LOXL2: variants seen among roughly 807,000 people sequenced by gnomAD.
LOXL2 encodes lysyl oxidase like 2.
LOXL2 carries 70 observed loss-of-function variants against 93.0 expected under a neutral mutation model. The ratio of observed to expected loss-of-function variants is 0.75; its 90% CI spans 0.62 to 0.92. The LOEUF is 0.92. LOXL2 is among the 40% of genes least tolerant of loss of function. The probability of loss-of-function intolerance (pLI) is 0.00; values close to 1 mark genes in which losing one functional copy is unlikely to be tolerated. For synonymous variants in LOXL2, 438 were observed against 413.2 expected (o/e 1.06, Z -0.73); for missense variants, 973 against 1,054.9 (o/e 0.92, Z 1.08).
At chr8:23,357,190 C>T (rs1308759367) in intron 3 of LOXL2, among the ~76,000 whole-genome samples, 1 of 152,078 alleles carries the variant, frequency 6.6e-6, no homozygotes, top group Non-Finnish European at 1.5e-5. Flanking sequence ...CTGCCTCAGC[C>T]TCCTGAGTAG....
intron 6 of LOXL2, 27 bp downstream of exon 6, chr8:23,328,355 G>T (rs374276969): frequency 2.1e-5 from 33 of 1,609,012 alleles, no homozygotes; most frequent in African/African-American, 2.0e-4. Context: ...AGGAAGAGAG[G>T]CCCCCTCTAG....
intron 6 of LOXL2, 141 bp downstream of exon 6, chr8:23,328,241 C>A: frequency 1.2e-6 from 1 of 821,476 alleles, no homozygotes; most frequent in Admixed American, 2.1e-5. Flanking sequence ...TAGGGAGAGG[C>A]CTGGGATTCT....
rs544583776 is a variant in LOXL2, at chr8:23,332,659, A to AC, written c.966+741dup. Among the ~76,000 whole-genome samples, 80 of 30,858 alleles carry AC rather than the reference A, an allele frequency of 2.6e-3. 2 individuals carry two copies. In the East Asian group the frequency reaches 0.065, roughly 25 times the overall value. The allele number at this position is 30,858 out of a possible 152,430, so 20.2% of individuals were successfully genotyped here. ...CACACCCACACTCACACGCTCATAC[A>AC]CCCCCCCACACTCATACACACACTC... On this transcript the variant is annotated intron_variant, in intron 5 of 13. Transcript: ENST00000389131.
chr8:23,361,064 C>G lies in LOXL2; in HGVS notation c.356-799G>C, dbSNP rs1050994785. 2.0e-5 allele frequency among the ~76,000 whole-genome samples: 3 copies of G among 152,118 alleles called. No individual in the cohort carries two copies. In the East Asian group the frequency reaches 5.8e-4, roughly 29 times the overall value. The stretch of plus-strand genomic sequence containing the variant: ...GACAGGCGCATGCCACCACCCCTGG[C>G]TAATTTTTTGTATTTTAGTAGAGAT... On this transcript the variant is annotated intron_variant, in intron 2 of 13. Coordinates refer to ENST00000389131, the MANE Select transcript of LOXL2 (RefSeq NM_002318.3).
At chr8:23,396,002 A>C (rs937176071) in intron 1 of LOXL2, among the ~76,000 whole-genome samples, 4 of 152,112 alleles carry the variant, frequency 2.6e-5, no homozygotes, top group African/African-American at 9.7e-5. Context: ...ATAAACTCTT[A>C]GAGTCACTGA....
intron 1 of LOXL2, among the ~76,000 whole-genome samples, chr8:23,396,189 A>G (rs1800087253): frequency 6.6e-6 from 1 of 151,902 alleles, no homozygotes; most frequent in Non-Finnish European, 1.5e-5. Context: ...GTGGTGGCAC[A>G]TGCCTGTAAT....
intron 1 of LOXL2, among the ~76,000 whole-genome samples, chr8:23,382,072 A>G (rs986525522): frequency 6.6e-6 from 1 of 152,234 alleles, no homozygotes; most frequent in African/African-American, 2.4e-5. Flanking sequence ...TAAACAACTG[A>G]GAGCTCACAA....
intron 11 of LOXL2, among the ~76,000 whole-genome samples, chr8:23,302,404 C>A (rs921103886): frequency 2.0e-5 from 3 of 152,224 alleles, no homozygotes; most frequent in African/African-American, 4.8e-5. Context: ...TCCCTGACCA[C>A]TCTGATCCAC....
chr8:23,378,715 C>A (rs1804628975), intron 1 of LOXL2, among the ~76,000 whole-genome samples: 1 of 152,226 alleles, frequency 6.6e-6, no homozygotes, highest in Non-Finnish European at 1.5e-5. Flanking sequence ...GATACCCTTT[C>A]TTCTGGTTGA....
At chr8:23,338,269 G>T (rs1413403163) in intron 4 of LOXL2, among the ~76,000 whole-genome samples, 2 of 152,028 alleles carry the variant, frequency 1.3e-5, no homozygotes, top group Non-Finnish European at 2.9e-5. Context: ...TGAGATTTGG[G>T]TGGGGACACA....
At chr8:23,386,440 C>T (rs557243103) in intron 1 of LOXL2, among the ~76,000 whole-genome samples, 25 of 152,268 alleles carry the variant, frequency 1.6e-4, no homozygotes, top group Admixed American at 1.2e-3. Flanking sequence ...GTGTCTCTTA[C>T]GATGTCTTAG....
intron 1 of LOXL2, among the ~76,000 whole-genome samples, chr8:23,381,708 C>T (rs1035810429): frequency 1.3e-5 from 2 of 152,194 alleles, no homozygotes; most frequent in African/African-American, 4.8e-5. Flanking sequence ...ACATTGGTAT[C>T]CTTCCAACCT....
In LOXL2 at chr8:23,317,093, C is replaced by A. The variant is rs771328795; in HGVS notation, c.1492G>T (p.Asp498Tyr). The part of the protein sequence containing the change: ...AFQETWYWHG[D>Y]VNSNKVVMSG... The stretch of plus-strand genomic sequence containing the variant: ...ATGACCACTTTGTTGCTGTTGACAT[C>A]TCCGTGCCAATACCAGGTCTCCTGG... Residue 498 changes from aspartate (D) to tyrosine (Y), a missense_variant, in exon 9 of 14, where the codon GAT becomes TAT. Asp to Tyr is a radical substitution (Grantham distance 160, BLOSUM62 -3). Transcript: ENST00000389131. 36 of 1,614,090 alleles carry A rather than the reference C, an allele frequency of 2.2e-5. No homozygotes were observed. The Middle Eastern group carries it at 9.9e-4, about 44-fold the overall frequency.
intron 6 of LOXL2, among the ~76,000 whole-genome samples, 175 bp from the exon 7 acceptor site, chr8:23,322,456 T>C (rs1163080226): frequency 6.6e-6 from 1 of 152,198 alleles, no homozygotes; most frequent in Non-Finnish European, 1.5e-5. Flanking sequence ...ACAGTGCTAA[T>C]TCTCTTGGGA....
intron 10 of LOXL2, among the ~76,000 whole-genome samples, chr8:23,307,055 A>AT (rs1316003232): frequency 6.6e-6 from 1 of 152,138 alleles, no homozygotes; most frequent in African/African-American, 2.4e-5. Flanking sequence ...TGGAAATGGC[A>AT]TTTTTTCCCA....
intron 2 of LOXL2, among the ~76,000 whole-genome samples, chr8:23,361,462 C>A (rs1183770524): frequency 6.6e-6 from 1 of 152,152 alleles, no homozygotes; most frequent in African/African-American, 2.4e-5. Flanking sequence ...GCCTCACTTG[C>A]ACTAAGTAGA....
At position 23,302,136 on chromosome 8, in the gene LOXL2, T is replaced by A; in HGVS notation, c.2024A>T (p.Asn675Ile). Residue 675 changes from asparagine to isoleucine, a missense_variant, in exon 12 of 14, where the codon AAC becomes ATC. Physicochemically the swap from Asn to Ile is moderately radical, Grantham distance 149. Coordinates refer to ENST00000389131, the MANE Select transcript of LOXL2 (RefSeq NM_002318.3). ...GDIQKNYECA[N>I]FGDQGITMGC... is the part of the protein sequence containing the mutation. Reference sequence around the variant, plus strand: ...CATGGTGATGCCCTGATCGCCGAAGTTGGCACACTCGTAATTCTTCTGGAT... The same window carrying A: ...CATGGTGATGCCCTGATCGCCGAAGATGGCACACTCGTAATTCTTCTGGAT... 6.2e-7 allele frequency: 1 copy of A among 1,614,140 alleles called. No homozygotes were observed. Among genetic ancestry groups the A allele is most frequent in the Non-Finnish European group, 8.5e-7 (1 of 1,180,000 alleles).
intron 1 of LOXL2, among the ~76,000 whole-genome samples, chr8:23,382,239 C>T (rs929855523): frequency 2.6e-4 from 39 of 152,254 alleles, no homozygotes; most frequent in African/African-American, 8.7e-4. Context: ...AATCAGCGGC[C>T]AGGCACAGTG....
chr8:23,385,920 A>G (rs1416568528), intron 1 of LOXL2: 2 of 764,762 alleles, frequency 2.6e-6, no homozygotes, highest in Non-Finnish European at 4.8e-6. Context: ...TTGCGTTTGC[A>G]GCGCATCTCA....
Sources: allele counts gnomAD v4.1 joint callset (sites outside exome capture counted in the v4.1 genomes callset), GRCh38; gene constraint gnomAD v4.1.1; transcripts MANE v1.5; gene names NCBI Gene and HGNC (gene_info 2026-07-23, HGNC 2026-07-21).